Variants in KLF7 observed in about 807,000 individuals in gnomAD.
KLF7 encodes the protein Krueppel-like factor 7.
KLF7 carries 2 observed loss-of-function variants against 27.3 expected under a neutral mutation model. That is an observed-to-expected ratio of 0.07 (90% confidence interval 0.03 to 0.23). The LOEUF (loss-of-function observed/expected upper bound fraction) is 0.23, where lower values mean the gene tolerates loss of function less well. Ranked by LOEUF, KLF7 falls within the 10% of genes least tolerant of loss-of-function variation. The pLI is 1.00. For missense variants in KLF7, 221 were observed against 394.1 expected (o/e 0.56, Z 3.72); for synonymous variants, 165 against 162.4 (o/e 1.02, Z -0.12).
chr2:207,122,843 T>C (rs2077376576), intron 2 of KLF7, among the ~76,000 whole-genome samples: 1 of 152,010 alleles, frequency 6.6e-6, no homozygotes, highest in African/African-American at 2.4e-5. Context: ...GCAAAAACCA[T>C]ACAGGTAGCA....
chr2:207,120,895 C>T (rs1357470491), intron 2 of KLF7: 1 of 152,182 alleles, frequency 6.6e-6, no homozygotes. Context: ...TTCAGTTCCC[C>T]ATGTGCTCCA....
At chr2:207,156,255 C>G (rs1040663492) in intron 1 of KLF7, among the ~76,000 whole-genome samples, 1 of 152,222 alleles carries the variant, frequency 6.6e-6, no homozygotes, top group African/African-American at 2.4e-5. Context: ...CACACGCCCA[C>G]AGTCATTACC....
upstream of KLF7, among the ~76,000 whole-genome samples, chr2:207,171,587 A>G (rs1308342519): frequency 6.6e-6 from 1 of 152,224 alleles, no homozygotes; most frequent in African/African-American, 2.4e-5. Context: ...TCCAGCCTTC[A>G]GCAACCCACT....
chr2:207,148,938 C>T (rs2078169779), intron 1 of KLF7: 1 of 899,242 alleles, frequency 1.1e-6, no homozygotes, highest in African/African-American at 1.8e-5. Flanking sequence ...TCCCCATTCT[C>T]TAAATTCTTG....
At chr2:207,139,859 G>A (rs1234871650) in intron 1 of KLF7, among the ~76,000 whole-genome samples, 1 of 152,154 alleles carries the variant, frequency 6.6e-6, no homozygotes, top group Non-Finnish European at 1.5e-5. Flanking sequence ...AAAACAGATA[G>A]AATTAGAATC....
the KLF7 span, among the ~76,000 whole-genome samples, chr2:207,172,516 CA>C: frequency 6.6e-6 from 1 of 152,142 alleles, no homozygotes; most frequent in Non-Finnish European, 1.5e-5. Context: ...GAGTGTCAGC[CA>C]TAAACCTTGT....
Position 207,076,027 on chromosome 2 carries a change from A to G in KLF7, c.*5186T>C, listed in dbSNP as rs1265440763. 2.6e-5 allele frequency: 4 copies of G among 151,604 alleles called. No homozygotes were observed. Among genetic ancestry groups the G allele is most frequent in the South Asian group, 4.2e-4 (2 of 4,794 alleles). 9.4% of individuals were successfully genotyped at this position (151,604 alleles called of 1,614,324 possible). A position where few individuals can be genotyped will look rare whatever the true frequency, so the allele number is the denominator to read the frequency against. ...GTGGAACTCCCAGTGTGGTTTCGAT[A>G]TACTGGCAATTATAAGCATCCATCC... On this transcript the variant is annotated 3_prime_UTR_variant, in exon 4 of 4. Transcript: ENST00000309446.
chr2:207,101,561 T>G (rs1250993235), intron 2 of KLF7, among the ~76,000 whole-genome samples: 5 of 152,014 alleles, frequency 3.3e-5, no homozygotes, highest in African/African-American at 1.2e-4. Flanking sequence ...CAAGGGTAAG[T>G]ATGTGAGGAG....
chr2:207,096,253 G>A (rs2076626824), intron 2 of KLF7, among the ~76,000 whole-genome samples: 1 of 152,036 alleles, frequency 6.6e-6, no homozygotes, highest in Non-Finnish European at 1.5e-5. Context: ...CCCACCCCTG[G>A]CTTTTATTCT....
rs190642943 is a variant in KLF7 at position 207,126,986 on chromosome 2, G to T, written c.103-2582C>A. 1.4e-3 allele frequency among the ~76,000 whole-genome samples: 218 copies of T among 152,234 alleles called. 2 individuals carry two copies. The highest frequency in any genetic ancestry group is 5.1e-3 in the African/African-American group (210 of 41,532). On this transcript the variant is annotated intron_variant, in intron 1 of 3. Coordinates refer to ENST00000309446, the MANE Select transcript of KLF7 (RefSeq NM_003709.4). Reference sequence around the variant, plus strand: ...AAGACTGAAAAGTCACTAAGATATTGTGATTATTAGAAGGCTCAGATCTCT... The same window carrying T: ...AAGACTGAAAAGTCACTAAGATATTTTGATTATTAGAAGGCTCAGATCTCT...
intron 1 of KLF7, among the ~76,000 whole-genome samples, chr2:207,130,651 G>A (rs891567073): frequency 6.6e-6 from 1 of 152,168 alleles, no homozygotes; most frequent in African/African-American, 2.4e-5. Context: ...GGGGCAGACT[G>A]TAGTCCAGCC....
rs369397059 is a variant in KLF7 at position 207,124,205 on chromosome 2, C to G, written c.302G>C (p.Arg101Pro). 2 of 1,614,028 alleles carry G rather than the reference C, an allele frequency of 1.2e-6. No individual in the cohort carries two copies. Among genetic ancestry groups the G allele is most frequent in the Non-Finnish European group, 8.5e-7 (1 of 1,180,016 alleles). ...KSSAVDILLS[R>P]DKLLSETCLS... The stretch of plus-strand genomic sequence containing the variant: ...GCAGGTCTCAGATAGCAACTTGTCC[C>G]GAGAGAGCAAGATGTCCACTGCCGA... The change falls in exon 2 of 4, where the codon CGG becomes CCG. Residue 101 changes from arginine (R) to proline (P), a missense_variant. Around this residue, in one of 3 missense-constraint regions of KLF7, gnomAD observed 180 missense variants for 227.9 expected, o/e 0.79. Coordinates refer to ENST00000309446, the MANE Select transcript of KLF7 (RefSeq NM_003709.4).
At chr2:207,104,166 G>A in intron 2 of KLF7, among the ~76,000 whole-genome samples, 1 of 152,172 alleles carries the variant, frequency 6.6e-6, no homozygotes. Flanking sequence ...ACTGCCCAGA[G>A]CCCATATACT....
chr2:207,108,356 TATTAAG>T (rs1253312811), intron 2 of KLF7, among the ~76,000 whole-genome samples: 2 of 152,148 alleles, frequency 1.3e-5, no homozygotes, highest in African/African-American at 4.8e-5. Context: ...TCTAACGACT[TATTAAG>T]ATTATTTCCA....
chr2:207,099,697 T>C (rs909276989), intron 2 of KLF7, among the ~76,000 whole-genome samples: 3 of 151,246 alleles, frequency 2.0e-5, no homozygotes, highest in Admixed American at 2.0e-4. Flanking sequence ...TTGTTTTAAT[T>C]AAGCTAATGA....
intron 2 of KLF7, among the ~76,000 whole-genome samples, chr2:207,102,252 T>C (rs1055824127): frequency 1.3e-5 from 2 of 151,856 alleles, no homozygotes; most frequent in Non-Finnish European, 2.9e-5. Flanking sequence ...TCATCCTATA[T>C]ACCTCTAACC....
chr2:207,141,773 C>T (rs1375456264), intron 1 of KLF7, among the ~76,000 whole-genome samples: 1 of 152,104 alleles, frequency 6.6e-6, no homozygotes, highest in Non-Finnish European at 1.5e-5. Flanking sequence ...AAGAAAAAAA[C>T]AGAGGCATAT....
chr2:207,106,714 A>T (rs2076893008), intron 2 of KLF7, among the ~76,000 whole-genome samples: 1 of 152,186 alleles, frequency 6.6e-6, no homozygotes, highest in South Asian at 2.1e-4. Context: ...CTCCCAGAAG[A>T]AGTGCCTCAA....
intron 2 of KLF7, among the ~76,000 whole-genome samples, chr2:207,089,947 G>A (rs1184914940): frequency 6.6e-6 from 1 of 152,180 alleles, no homozygotes; most frequent in Non-Finnish European, 1.5e-5. Flanking sequence ...CAGCCCTGAA[G>A]GAGACATTAC....
Sources: allele counts gnomAD v4.1 joint callset (sites outside exome capture counted in the v4.1 genomes callset), GRCh38; gene constraint gnomAD v4.1.1; regional missense constraint gnomAD v4.1.1; transcripts MANE v1.5; gene names NCBI Gene and HGNC (gene_info 2026-07-23, HGNC 2026-07-21).